The following EDRF1 variants were observed in gnomAD, a reference collection of about 807,000 sequenced individuals.
EDRF1 encodes erythroid differentiation-related factor 1.
In EDRF1, 69 loss-of-function variants were observed where a neutral mutation model predicts 148.7. That is an observed-to-expected ratio of 0.46 (90% CI 0.38 to 0.57). The LOEUF (loss-of-function observed/expected upper bound fraction) is 0.57. Ranked by LOEUF, EDRF1 falls within the 20% of genes least tolerant of loss-of-function variation. The pLI is 0.00. For synonymous variants in EDRF1, 515 were observed against 532.8 expected (o/e 0.97, Z 0.46); for missense variants, 1,118 against 1,478.7 (o/e 0.76, Z 4.00).
At chr10:125,758,554 A>AT (rs1178446459) in intron 24 of EDRF1, among the ~76,000 whole-genome samples, 1 of 151,904 alleles carries the variant, frequency 6.6e-6, no homozygotes, top group Non-Finnish European at 1.5e-5. Context: ...TGTGGTTGAG[A>AT]TTTTTTTATT....
Position 125,728,993 on chromosome 10 carries a change from C to T in EDRF1, c.793-10C>T. On this transcript the variant is annotated splice_polypyrimidine_tract_variant and intron_variant, in intron 6 of 24. Coordinates refer to ENST00000356792, the MANE Select transcript of EDRF1 (RefSeq NM_001202438.2). ...AGCAGAATCACTCCTTATCCTTGCACTTTTCACAGGGAAGTGAGCCTCTTG... is the reference window on the plus strand; with the variant it reads ...AGCAGAATCACTCCTTATCCTTGCATTTTTCACAGGGAAGTGAGCCTCTTG... The T allele has an allele frequency of 6.4e-7, 1 of 1,565,594 alleles. No homozygotes were observed. Among genetic ancestry groups the T allele is most frequent in the Non-Finnish European group, 8.6e-7 (1 of 1,162,676 alleles).
intron 1 of EDRF1, 57 bp from the exon 2 acceptor site, chr10:125,721,147 G>T: frequency 2.6e-6 from 4 of 1,548,170 alleles, no homozygotes; most frequent in South Asian, 1.1e-5. Context: ...TTTTATAAAG[G>T]TGAGATTTTT....
intron 13 of EDRF1, 47 bp from the exon 14 acceptor site, chr10:125,737,871 C>T: frequency 1.3e-6 from 2 of 1,542,976 alleles, no homozygotes; most frequent in Non-Finnish European, 1.8e-6. Context: ...ATATGTTGAC[C>T]TTAATACATT....
At chr10:125,752,487 G>A (rs1269422907) in intron 22 of EDRF1, among the ~76,000 whole-genome samples, 1 of 152,206 alleles carries the variant, frequency 6.6e-6, no homozygotes, top group Non-Finnish European at 1.5e-5. Flanking sequence ...CTGGTAAAAT[G>A]TGAGGTGGGC....
chr10:125,725,838 G>A lies in EDRF1; in HGVS notation c.792G>A (p.Gln264=). Residue 264 remains glutamine (Q), a splice_region_variant and synonymous_variant, in exon 6 of 25, where the codon CAG becomes CAA. Coordinates refer to ENST00000356792, the MANE Select transcript of EDRF1 (RefSeq NM_001202438.2). ...SVSEDPSASS[Q]GSEPLEPSYI... The stretch of plus-strand genomic sequence containing the variant: ...CTGAAGATCCCAGTGCTTCCAGTCA[G>A]GTTAGTACTTAAATGCTAATTCTAG... 1 of 1,612,326 alleles carries A rather than the reference G, an allele frequency of 6.2e-7. No individual in the cohort carries two copies. Among genetic ancestry groups the A allele is most frequent in the Non-Finnish European group, 8.5e-7 (1 of 1,179,894 alleles).
rs1342293873 is a variant in EDRF1, at chr10:125,753,847, TA to T, written c.3545+5del. The T allele has an allele frequency of 6.2e-7, 1 of 1,612,256 alleles. No individual in the cohort carries two copies. Among genetic ancestry groups the T allele is most frequent in the African/African-American group, 1.3e-5 (1 of 74,848 alleles). ...ATCTTCAACTAAAAAGAAAACAAGG[TA>T]AATTAAGTGGTTATTTGTAGGAATT... On this transcript the variant is annotated splice_donor_region_variant and intron_variant, in intron 24 of 24. Coordinates refer to ENST00000356792, the MANE Select transcript of EDRF1 (RefSeq NM_001202438.2).
chr10:125,728,970 CAG>C (rs1454177949), intron 6 of EDRF1, 31 bp from the exon 7 acceptor site: 1 of 1,493,656 alleles, frequency 6.7e-7, no homozygotes, highest in Non-Finnish European at 9.0e-7. Flanking sequence ...ATGTTGACAG[CAG>C]AATCACTCCT....
intron 24 of EDRF1, among the ~76,000 whole-genome samples, chr10:125,760,153 C>G (rs138667906): frequency 3.6e-4 from 55 of 152,332 alleles, no homozygotes; most frequent in African/African-American, 1.3e-3. Flanking sequence ...CATATGGTAA[C>G]AAGGCTTGGA....
At chr10:125,729,169 G>A in intron 7 of EDRF1, 65 bp downstream of exon 7, 6 of 1,499,216 alleles carry the variant, frequency 4.0e-6, no homozygotes, top group Non-Finnish European at 5.4e-6. Flanking sequence ...TTCAAAACTA[G>A]CCTAAGTCGA....
Position 125,725,428 on chromosome 10 carries a change from GTT to G in EDRF1, c.625_626del (p.Leu209IlefsTer7). On this transcript the variant is annotated frameshift_variant, in exon 5 of 25. Transcript: ENST00000356792. LOFTEE classifies it high-confidence loss of function. ...GGTATCAAAAGGCAATTCTTTCCAA[GTT>G]TTTATATTACAGGTACTTGGCTACT... ...HWYQKAILSK[F>X]LYYSINGDGA... is the part of the protein sequence containing the mutation. 6 of 1,613,930 alleles carry G rather than the reference GTT, an allele frequency of 3.7e-6. No homozygotes were observed. The highest frequency in any genetic ancestry group is 5.1e-6 in the Non-Finnish European group (6 of 1,179,938).
intron 18 of EDRF1, among the ~76,000 whole-genome samples, chr10:125,743,823 C>G (rs916380704): frequency 2.0e-5 from 3 of 152,072 alleles, no homozygotes; most frequent in African/African-American, 7.2e-5. Flanking sequence ...CCAGGGATCT[C>G]AAAGGGTGCA....
Position 125,763,658 on chromosome 10 carries a change from A to C in EDRF1, c.*186A>C, listed in dbSNP as rs1442583919. 3 of 677,426 alleles carry C rather than the reference A, an allele frequency of 4.4e-6. No homozygotes were observed. The highest frequency in any genetic ancestry group is 7.4e-6 in the Non-Finnish European group (3 of 403,044). The allele number at this position is 677,426 out of a possible 1,614,324, so 42.0% of individuals were successfully genotyped here. ...TGAGTTCTGTGGCTTCTTCACTTGA[A>C]GTGCTAACATCAGAATCAAACTTAA... On this transcript the variant is annotated 3_prime_UTR_variant, in exon 25 of 25. Transcript: ENST00000356792. The surrounding 1 kb of genome is among the most constrained non-coding windows in gnomAD (Gnocchi z 4.3).
At chr10:125,720,103 C>T (rs1323497332) in intron 1 of EDRF1, among the ~76,000 whole-genome samples, 188 bp downstream of exon 1, 4 of 152,156 alleles carry the variant, frequency 2.6e-5, no homozygotes, top group Non-Finnish European at 4.4e-5. Flanking sequence ...TTCTGGTAGC[C>T]GACAGGTGAA....
rs770857711 is a variant in EDRF1, at chr10:125,747,643, G to A, written c.2922G>A (p.Met974Ile). The A allele has an allele frequency of 6.2e-7, 1 of 1,614,144 alleles. No homozygotes were observed. Among genetic ancestry groups the A allele is most frequent in the Admixed American group, 1.7e-5 (1 of 60,024 alleles). Residue 974 changes from methionine (M) to isoleucine (I), a missense_variant, in exon 20 of 25, where the codon ATG (methionine) becomes ATA (isoleucine). Met to Ile is a conservative substitution (Grantham distance 10). Transcript: ENST00000356792. ...NWELSTTYFT[M>I]ATLQQDYAPL... ...AATTGTCCACTACTTACTTTACTATGGCAACTCTACAGCAAGATTATGCTC... is the reference window on the plus strand; with the variant it reads ...AATTGTCCACTACTTACTTTACTATAGCAACTCTACAGCAAGATTATGCTC...
At chr10:125,731,006 G>A (rs1403244059) in intron 9 of EDRF1, among the ~76,000 whole-genome samples, 1 of 152,130 alleles carries the variant, frequency 6.6e-6, no homozygotes, top group Non-Finnish European at 1.5e-5. Context: ...ACTTAGTTGG[G>A]CATGGTGGTA....
At chr10:125,762,695 A>C (rs576143823) in intron 24 of EDRF1, among the ~76,000 whole-genome samples, 1 of 152,328 alleles carries the variant, frequency 6.6e-6, no homozygotes, top group African/African-American at 2.4e-5. Context: ...TGACATTTTC[A>C]GAGTAAACTG....
chr10:125,735,921 T>C lies in EDRF1; in HGVS notation c.1758+17T>C, dbSNP rs374100615. 39 of 1,584,104 alleles carry C rather than the reference T, an allele frequency of 2.5e-5. 1 individual carries two copies. In the African/African-American group the frequency reaches 4.1e-4, roughly 16 times the overall value. ...CAAATCAGAGTAAGCCTTTAGAATT[T>C]ATATTAAATTTTTATCAAGGAAACA... On this transcript the variant is annotated intron_variant, in intron 13 of 24. Coordinates refer to ENST00000356792, the MANE Select transcript of EDRF1 (RefSeq NM_001202438.2).
In EDRF1 at chr10:125,730,483, T is replaced by TTA. The variant is rs536320298; in HGVS notation, c.1128+84_1128+85insTA. ...CACCAAAGTCTTTACGGCCCTGAAGTACTAAGGTGCATTTTTGCCAGGGAA... is the reference window on the plus strand; with the variant it reads ...CACCAAAGTCTTTACGGCCCTGAAGTTAACTAAGGTGCATTTTTGCCAGGGAA... On this transcript the variant is annotated intron_variant, in intron 9 of 24. Coordinates refer to ENST00000356792, the MANE Select transcript of EDRF1 (RefSeq NM_001202438.2). 8,121 of 1,076,728 alleles carry TTA rather than the reference T, an allele frequency of 7.5e-3. 40 individuals carry two copies. The highest frequency in any genetic ancestry group is 1.0e-2 in the Non-Finnish European group (6,910 of 692,548). The allele number at this position is 1,076,728 out of a possible 1,614,324, so 66.7% of individuals were successfully genotyped here.
At chr10:125,762,791 T>C (rs1010701525) in intron 24 of EDRF1, among the ~76,000 whole-genome samples, 16 of 152,308 alleles carry the variant, frequency 1.1e-4, no homozygotes, top group Non-Finnish European at 2.2e-4. Context: ...ACAGTGGCTT[T>C]AGATGTGTGT....
Sources: gnomAD v4.1 joint callset for allele counts (sites outside exome capture counted in the v4.1 genomes callset) on GRCh38, gnomAD v4.1.1 for gene constraint, Gnocchi (gnomAD v3.1) non-coding constraint, MANE v1.5 for transcripts, NCBI Gene and HGNC (gene_info 2026-07-23, HGNC 2026-07-21) for gene names.